Variants in LRRC8C observed in about 807,000 individuals in gnomAD.
The protein encoded by LRRC8C is volume-regulated anion channel subunit LRRC8C.
In LRRC8C, 20 loss-of-function variants were observed where a neutral mutation model predicts 55.3. The ratio of observed to expected loss-of-function variants is 0.36; its 90% CI spans 0.25 to 0.53. The LOEUF is 0.53. Among genes scored for constraint, LRRC8C ranks in the 20% least tolerant of loss-of-function variants. The probability of loss-of-function intolerance (pLI) is 0.92; values close to 1 mark genes in which losing one functional copy is unlikely to be tolerated. For missense variants in LRRC8C, 659 were observed against 951.4 expected (o/e 0.69, Z 4.04); for synonymous variants, 376 against 360.7 (o/e 1.04, Z -0.48).
At chr1:89,686,989 C>T (rs891836245) in intron 2 of LRRC8C, among the ~76,000 whole-genome samples, 2 of 152,088 alleles carry the variant, frequency 1.3e-5, no homozygotes, top group African/African-American at 4.8e-5. Flanking sequence ...ACCCTTACCC[C>T]TAATAAGATT....
At chr1:89,623,182 ATGCG>A in the LRRC8C span, among the ~76,000 whole-genome samples, 73 of 135,564 alleles carry the variant, frequency 5.4e-4, no homozygotes, top group African/African-American at 1.9e-3. Context: ...ACACACACAC[ATGCG>A]CACACACACA....
the LRRC8C span, among the ~76,000 whole-genome samples, chr1:89,627,130 CT>C: frequency 6.6e-6 from 1 of 151,982 alleles, no homozygotes; most frequent in East Asian, 1.9e-4. Flanking sequence ...ATAAAAGACA[CT>C]TTTTTCACCT....
At position 89,718,232 on chromosome 1, in the gene LRRC8C, G is replaced by T. The variant is rs941071106; in HGVS notation, c.*3250G>T. 5 of 152,078 alleles carry T rather than the reference G, an allele frequency of 3.3e-5. No homozygotes were observed. The highest frequency in any genetic ancestry group is 1.2e-4 in the African/African-American group (5 of 41,424). 9.4% of individuals were successfully genotyped at this position (152,078 alleles called of 1,614,324 possible). ...TTGTATTTCCCATCTGTTTCAAGGA[G>T]TTTCAACAATTTACATTGCATCGTA... On this transcript the variant is annotated 3_prime_UTR_variant, in exon 3 of 3. Transcript: ENST00000370454.
At position 89,714,554 on chromosome 1, in the gene LRRC8C, C is replaced by A. The variant is rs1341050385; in HGVS notation, c.1984C>A (p.Leu662Met). The change falls in exon 3 of 3, where the codon CTG (leucine) becomes ATG (methionine). Residue 662 changes from leucine to methionine, a missense_variant. Transcript: ENST00000370454. The surrounding 1 kb of genome is among the most constrained non-coding windows in gnomAD (Gnocchi z 4.6). ...IPEHIKKLTS[L>M]ERLSFSHNKI... ...AGAGCATATAAAGAAACTCACCAGC[C>A]TGGAACGCCTGTCCTTTAGTCACAA... The A allele has an allele frequency of 1.2e-6, 2 of 1,614,080 alleles. No homozygotes were observed. Among genetic ancestry groups the A allele is most frequent in the Non-Finnish European group, 1.7e-6 (2 of 1,180,038 alleles).
At chr1:89,706,847 G>A (rs975835457) in intron 2 of LRRC8C, among the ~76,000 whole-genome samples, 2 of 152,094 alleles carry the variant, frequency 1.3e-5, no homozygotes, top group Non-Finnish European at 2.9e-5. Flanking sequence ...AATTGAGGAA[G>A]GATCTTCAAG....
intron 1 of LRRC8C, among the ~76,000 whole-genome samples, chr1:89,669,335 A>G (rs926389058): frequency 6.6e-6 from 1 of 152,188 alleles, no homozygotes; most frequent in Non-Finnish European, 1.5e-5. Context: ...TCTGTTTGCA[A>G]CATGAGTAAG....
At chr1:89,685,545 C>G (rs1043517455) in intron 1 of LRRC8C, among the ~76,000 whole-genome samples, 2 of 152,028 alleles carry the variant, frequency 1.3e-5, no homozygotes, top group African/African-American at 4.8e-5. Context: ...GGATGATTGC[C>G]ATAAGATACA....
At chr1:89,702,723 A>G (rs192315360) in intron 2 of LRRC8C, among the ~76,000 whole-genome samples, 88 of 152,176 alleles carry the variant, frequency 5.8e-4, no homozygotes, top group African/African-American at 1.9e-3. Context: ...TGATCATGCT[A>G]CTGCACTCCA....
At chr1:89,677,095 T>G (rs1314828932) in intron 1 of LRRC8C, among the ~76,000 whole-genome samples, 1 of 152,230 alleles carries the variant, frequency 6.6e-6, no homozygotes, top group African/African-American at 2.4e-5. Context: ...AAAGGATTTT[T>G]CTTTAAATAT....
chr1:89,663,309 G>A (rs1166781881), intron 1 of LRRC8C, among the ~76,000 whole-genome samples: 1 of 152,204 alleles, frequency 6.6e-6, no homozygotes, highest in Non-Finnish European at 1.5e-5. Context: ...GGTGGCTCAT[G>A]CCTGTAATCC....
chr1:89,688,542 G>A (rs761386103), intron 2 of LRRC8C, among the ~76,000 whole-genome samples: 24 of 152,184 alleles, frequency 1.6e-4, no homozygotes, highest in Non-Finnish European at 3.1e-4. Flanking sequence ...GGTGACTTTT[G>A]GCCAAGGAAT....
At position 89,712,692 on chromosome 1, in the gene LRRC8C, T is replaced by A. The variant is rs1181096579; in HGVS notation, c.139-17T>A. 1 of 1,575,466 alleles carries A rather than the reference T, an allele frequency of 6.3e-7. No homozygotes were observed. The highest frequency in any genetic ancestry group is 1.7e-5 in the Admixed American group (1 of 59,628). ...CTTTGAGTAATATAATTTGAAAATA[T>A]TATTTCCATGTTTCAGGTCATGCAA... On this transcript the variant is annotated splice_polypyrimidine_tract_variant and intron_variant, in intron 2 of 2. Transcript: ENST00000370454.
the LRRC8C span, among the ~76,000 whole-genome samples, chr1:89,616,919 T>C: frequency 3.3e-5 from 5 of 152,230 alleles, no homozygotes; most frequent in Admixed American, 2.0e-4. Context: ...CATAAGCTTA[T>C]GTTAAATAAG....
At chr1:89,669,873 C>T (rs1006498278) in intron 1 of LRRC8C, among the ~76,000 whole-genome samples, 1 of 152,082 alleles carries the variant, frequency 6.6e-6, no homozygotes. Context: ...AGAGATTGGA[C>T]ATGGAAAATG....
intron 1 of LRRC8C, among the ~76,000 whole-genome samples, chr1:89,666,424 T>G (rs1374677288): frequency 2.6e-5 from 4 of 152,090 alleles, no homozygotes. Context: ...TATATATATA[T>G]AAAGAAGCCC....
At chr1:89,700,837 A>G (rs987060369) in intron 2 of LRRC8C, among the ~76,000 whole-genome samples, 6 of 152,234 alleles carry the variant, frequency 3.9e-5, no homozygotes, top group Non-Finnish European at 7.3e-5. Context: ...CAAATCTGTC[A>G]TAACCAAGTT....
At chr1:89,686,729 T>G in intron 2 of LRRC8C, 118 bp downstream of exon 2, 1 of 1,131,470 alleles carries the variant, frequency 8.8e-7, no homozygotes. Context: ...CTGTTCTCTG[T>G]GGATGTATTT....
At chr1:89,660,983 C>G (rs530558740) in intron 1 of LRRC8C, among the ~76,000 whole-genome samples, 2 of 152,328 alleles carry the variant, frequency 1.3e-5, no homozygotes, top group African/African-American at 2.4e-5. Flanking sequence ...CTGGACTCCT[C>G]TGGTAGCCTT....
intron 2 of LRRC8C, among the ~76,000 whole-genome samples, chr1:89,702,768 A>G (rs911030637): frequency 3.9e-5 from 6 of 152,120 alleles, no homozygotes; most frequent in Non-Finnish European, 8.8e-5. Flanking sequence ...GTCTCAATCA[A>G]TCAATCAATA....
Sources: allele counts gnomAD v4.1 joint callset (sites outside exome capture counted in the v4.1 genomes callset), GRCh38; gene constraint gnomAD v4.1.1; non-coding constraint Gnocchi (gnomAD v3.1); transcripts MANE v1.5; gene names NCBI Gene and HGNC (gene_info 2026-07-23, HGNC 2026-07-21).